Variants in MEGF10 observed in about 807,000 individuals in gnomAD.
MEGF10 encodes the protein multiple EGF like domains 10, also known as multiple epidermal growth factor-like domains protein 10.
A neutral mutation model predicts 147.5 loss-of-function variants in MEGF10; 86 were observed. That is an observed-to-expected ratio of 0.58 (90% CI 0.49 to 0.70). MEGF10 has a LOEUF of 0.70. MEGF10 is among the 30% of genes least tolerant of loss of function. The pLI, the probability that MEGF10 is intolerant of heterozygous loss-of-function variation, is 0.00. For missense variants in MEGF10, 1,329 were observed against 1,487.3 expected (o/e 0.89, Z 1.75); for synonymous variants, 478 against 525.5 (o/e 0.91, Z 1.24).
rs1296702757 is a variant in MEGF10 at position 127,440,734 on chromosome 5, C to T, written c.2234-5C>T. 6.2e-7 allele frequency: 1 copy of T among 1,613,772 alleles called. No individual in the cohort carries two copies. On this transcript the variant is annotated splice_polypyrimidine_tract_variant and splice_region_variant and intron_variant, in intron 17 of 24. Coordinates refer to ENST00000503335, the MANE Select transcript of MEGF10 (RefSeq NM_001256545.2). Reference sequence around the variant, plus strand: ...TGACTCCTACTGTCCTCCCTCCTCCCACAGGATGTCCTCTAGGGTTTTATG... The same window carrying T: ...TGACTCCTACTGTCCTCCCTCCTCCTACAGGATGTCCTCTAGGGTTTTATG...
chr5:127,261,572 C>T, the MEGF10 span, among the ~76,000 whole-genome samples: 8 of 152,090 alleles, frequency 5.3e-5, no homozygotes, highest in African/African-American at 1.9e-4. Flanking sequence ...ATTGCTATGA[C>T]CATTTGTGTA....
intron 13 of MEGF10, among the ~76,000 whole-genome samples, chr5:127,425,486 G>T (rs1224859952): frequency 6.6e-6 from 1 of 152,128 alleles, no homozygotes; most frequent in Non-Finnish European, 1.5e-5. Flanking sequence ...GTAAGCATCT[G>T]TCAGTATCTA....
chr5:127,452,845 C>G (rs993330698), intron 22 of MEGF10, among the ~76,000 whole-genome samples: 3 of 152,200 alleles, frequency 2.0e-5, no homozygotes, highest in African/African-American at 7.2e-5. Context: ...ACTACACACC[C>G]ATTTATGCTG....
At chr5:127,232,628 C>T in the MEGF10 span, among the ~76,000 whole-genome samples, 1 of 151,922 alleles carries the variant, frequency 6.6e-6, no homozygotes, top group Non-Finnish European at 1.5e-5. Context: ...AAAAGTAGTA[C>T]AGGGTAAATG....
chr5:127,338,107 T>A (rs550119691), intron 2 of MEGF10, among the ~76,000 whole-genome samples: 6 of 152,230 alleles, frequency 3.9e-5, no homozygotes, highest in African/African-American at 1.4e-4. Context: ...AGGTTCTGTC[T>A]AACCTGAATT....
intron 13 of MEGF10, chr5:127,424,252 C>G (rs1440737546): frequency 1.0e-5 from 7 of 691,174 alleles, no homozygotes; most frequent in Non-Finnish European, 1.6e-5. Context: ...CTTATGCCAG[C>G]ACCATACAGT....
the MEGF10 span, among the ~76,000 whole-genome samples, chr5:127,275,932 T>C: frequency 2.0e-5 from 3 of 152,184 alleles, no homozygotes; most frequent in Non-Finnish European, 4.4e-5. Flanking sequence ...CACCAATTGG[T>C]TAGAATTCAC....
intron 1 of MEGF10, among the ~76,000 whole-genome samples, chr5:127,322,986 T>C (rs1760850480): frequency 6.6e-6 from 1 of 152,042 alleles, no homozygotes; most frequent in Admixed American, 6.6e-5. Flanking sequence ...TATATATACA[T>C]ACGCACAAAC....
rs200414153 is a variant in MEGF10, at chr5:127,374,733, GA to G, written c.412+4738del. On this transcript the variant is annotated intron_variant, in intron 5 of 24. Coordinates refer to ENST00000503335, the MANE Select transcript of MEGF10 (RefSeq NM_001256545.2). ...AACAACTAGCATGTAAAACAGAAAG[GA>G]AAAAAAGAAAATAGCAAATAAAATA... Among the ~76,000 whole-genome samples the G allele has an allele frequency of 3.6e-4, 55 of 151,886 alleles. No homozygotes were observed. The East Asian group carries it at 0.01, about 28-fold the overall frequency.
upstream of MEGF10, among the ~76,000 whole-genome samples, chr5:127,288,624 A>G (rs1384789310): frequency 3.3e-5 from 5 of 152,180 alleles, no homozygotes; most frequent in Non-Finnish European, 1.5e-5. Context: ...AGCAATTATC[A>G]TATCTTGCTG....
At chr5:127,385,578 TTATAATA>T (rs1763397791) in intron 5 of MEGF10, among the ~76,000 whole-genome samples, 1 of 152,200 alleles carries the variant, frequency 6.6e-6, no homozygotes, top group African/African-American at 2.4e-5. Context: ...GGGCCGACAT[TTATAATA>T]TTGAAGGCAT....
At chr5:127,449,340 A>G in intron 22 of MEGF10, 118 bp downstream of exon 22, 1 of 1,405,160 alleles carries the variant, frequency 7.1e-7, no homozygotes. Context: ...AAAGCACAAT[A>G]GCAGAATTAT....
At chr5:127,327,056 C>T (rs568731127) in intron 1 of MEGF10, among the ~76,000 whole-genome samples, 1 of 152,160 alleles carries the variant, frequency 6.6e-6, no homozygotes, top group Non-Finnish European at 1.5e-5. Flanking sequence ...TTTTATTCAT[C>T]CTGATTATTT....
At chr5:127,432,050 T>C (rs994080104) in intron 13 of MEGF10, among the ~76,000 whole-genome samples, 11 of 152,150 alleles carry the variant, frequency 7.2e-5, no homozygotes, top group African/African-American at 2.2e-4. Context: ...TAAACCCCAA[T>C]TGGTTTATGA....
chr5:127,253,236 T>C, the MEGF10 span, among the ~76,000 whole-genome samples: 1 of 152,020 alleles, frequency 6.6e-6, no homozygotes, highest in African/African-American at 2.4e-5. Flanking sequence ...GGGATTATTC[T>C]AAATTCTGGT....
chr5:127,246,690 A>G, the MEGF10 span, among the ~76,000 whole-genome samples: 2 of 149,904 alleles, frequency 1.3e-5, no homozygotes, highest in Admixed American at 6.7e-5. Context: ...TGAAATTTAC[A>G]ACAATAAATT....
At chr5:127,398,881 A>T in intron 7 of MEGF10, 85 bp downstream of exon 7, 1 of 1,557,754 alleles carries the variant, frequency 6.4e-7, no homozygotes, top group Non-Finnish European at 8.7e-7. Flanking sequence ...AGGAGACTTT[A>T]GCACAAAGGA....
chr5:127,407,622 A>G (rs1014518838), intron 8 of MEGF10, among the ~76,000 whole-genome samples: 1 of 152,172 alleles, frequency 6.6e-6, no homozygotes, highest in African/African-American at 2.4e-5. Flanking sequence ...CTTTTCTGCT[A>G]TCTGTCCTAA....
chr5:127,238,061 AT>A, the MEGF10 span, among the ~76,000 whole-genome samples: 1 of 112,066 alleles, frequency 8.9e-6, no homozygotes, highest in African/African-American at 3.5e-5. Flanking sequence ...ATATATATAT[AT>A]ATGTATATAC....
Sources: allele counts gnomAD v4.1 joint callset (sites outside exome capture counted in the v4.1 genomes callset), GRCh38; gene constraint gnomAD v4.1.1; transcripts MANE v1.5; gene names NCBI Gene and HGNC (gene_info 2026-07-23, HGNC 2026-07-21).